WWOX: variants seen among roughly 807,000 people sequenced by gnomAD.
WWOX encodes the protein WW domain-containing oxidoreductase.
A neutral mutation model predicts 46.2 loss-of-function variants in WWOX; 69 were observed. That is an observed-to-expected ratio of 1.49 (90% CI 1.23 to 1.82). The LOEUF (loss-of-function observed/expected upper bound fraction) is 1.82. WWOX is among the 40% of genes most tolerant of loss of function. The pLI is 0.00. For missense variants in WWOX, 919 were observed against 542.6 expected, an observed-to-expected ratio of 1.69 and a Z score of -6.89; for synonymous variants, 359 against 202.6, an observed-to-expected ratio of 1.77 and a Z score of -6.56.
intron 8 of WWOX, among the ~76,000 whole-genome samples, chr16:79,103,325 A>G (rs1411608917): frequency 1.3e-5 from 2 of 152,242 alleles, no homozygotes; most frequent in Non-Finnish European, 2.9e-5. Flanking sequence ...CAGCACAGGT[A>G]TTAAAGTACC....
chr16:79,195,258 C>T (rs1398487334), intron 8 of WWOX, among the ~76,000 whole-genome samples: 2 of 151,990 alleles, frequency 1.3e-5, no homozygotes, highest in Non-Finnish European at 2.9e-5. Context: ...AGGATCCACA[C>T]CTGTAGGGGA....
intron 6 of WWOX, among the ~76,000 whole-genome samples, chr16:78,411,977 C>G (rs1216759943): frequency 6.6e-6 from 1 of 152,314 alleles, no homozygotes; most frequent in East Asian, 1.9e-4. Context: ...AATTGTATCA[C>G]CGAGTTGGTC....
chr16:78,949,654 C>T (rs2046018663), intron 8 of WWOX, among the ~76,000 whole-genome samples: 1 of 152,244 alleles, frequency 6.6e-6, no homozygotes, highest in Non-Finnish European at 1.5e-5. Flanking sequence ...CTCGTGTTAA[C>T]TCCATCTGGA....
At chr16:79,006,483 T>C (rs2047193310) in intron 8 of WWOX, among the ~76,000 whole-genome samples, 1 of 151,984 alleles carries the variant, frequency 6.6e-6, no homozygotes, top group Admixed American at 6.6e-5. Flanking sequence ...CTTGAATGCT[T>C]TTAGCCCCTG....
intron 8 of WWOX, among the ~76,000 whole-genome samples, chr16:78,764,578 C>G (rs185706233): frequency 7.2e-6 from 1 of 138,242 alleles, no homozygotes; most frequent in South Asian, 3.1e-4. Flanking sequence ...GTTACTCGCT[C>G]ACATGTGCCG....
intron 5 of WWOX, among the ~76,000 whole-genome samples, chr16:78,374,527 A>ATTTTTTTTTTTTTTTTTTTTTTT (rs541225697): frequency 4.2e-5 from 3 of 70,902 alleles, no homozygotes; most frequent in Non-Finnish European, 7.7e-5. Context: ...TCTGTCTTGA[A>ATTTTTTTTTTTTTTTTTTTTTTT]TTTTTTTTTT....
At chr16:78,516,582 G>C (rs1018757725) in intron 8 of WWOX, among the ~76,000 whole-genome samples, 1 of 152,072 alleles carries the variant, frequency 6.6e-6, no homozygotes. Context: ...TACTTGGCCT[G>C]TTTCTACAAT....
intron 8 of WWOX, among the ~76,000 whole-genome samples, chr16:79,003,232 A>T (rs538706975): frequency 6.6e-6 from 1 of 152,362 alleles, no homozygotes; most frequent in South Asian, 2.1e-4. Flanking sequence ...CTTGTAATTT[A>T]TGATTTAATG....
At chr16:78,575,026 T>A (rs866655340) in intron 8 of WWOX, among the ~76,000 whole-genome samples, 124 of 2,088 alleles carry the variant, frequency 0.059, no homozygotes, top group East Asian at 0.16. Context: ...TATATAAATA[T>A]ATATATATAT....
intron 8 of WWOX, among the ~76,000 whole-genome samples, chr16:78,662,014 A>G (rs1244724265): frequency 6.6e-6 from 1 of 152,218 alleles, no homozygotes; most frequent in African/African-American, 2.4e-5. Flanking sequence ...ACTGCACTCC[A>G]GCCTGGATGA....
intron 8 of WWOX, among the ~76,000 whole-genome samples, chr16:78,512,751 A>G (rs2085392625): frequency 6.6e-6 from 1 of 152,254 alleles, no homozygotes; most frequent in Admixed American, 6.5e-5. Context: ...TGATGCTAAA[A>G]TAAGCTTGAC....
In WWOX at chr16:79,061,708, T is replaced by C. The variant is rs1029628605; in HGVS notation, c.1057-149900T>C. Among the ~76,000 whole-genome samples, 5 of 152,320 alleles carry C rather than the reference T, an allele frequency of 3.3e-5. No homozygotes were observed. In the South Asian group the frequency reaches 6.2e-4, roughly 19 times the overall value. On this transcript the variant is annotated intron_variant, in intron 8 of 8. Transcript: ENST00000566780. ...AGCTGCACTGAAAACAAACTGGGCA[T>C]GTCCTAATTTTGCTCAGGGCTACTT...
At chr16:78,834,639 A>T (rs2051926931) in intron 8 of WWOX, among the ~76,000 whole-genome samples, 1 of 152,172 alleles carries the variant, frequency 6.6e-6, no homozygotes, top group Non-Finnish European at 1.5e-5. Flanking sequence ...GGTTCCAGGA[A>T]TTCTTGATCT....
chr16:78,159,165 T>TTGTGTG (rs1402100000), intron 4 of WWOX, among the ~76,000 whole-genome samples: 3 of 149,978 alleles, frequency 2.0e-5, no homozygotes, highest in Non-Finnish European at 4.5e-5. Context: ...GTGTGTGTGT[T>TTGTGTG]TGTGTGTGTG....
At chr16:78,775,139 T>C (rs2050157676) in intron 8 of WWOX, among the ~76,000 whole-genome samples, 1 of 152,216 alleles carries the variant, frequency 6.6e-6, no homozygotes. Flanking sequence ...TAGAAGTGTC[T>C]GGTTCCTGAA....
chr16:78,738,486 G>C (rs1191075820), intron 8 of WWOX, among the ~76,000 whole-genome samples: 1 of 152,062 alleles, frequency 6.6e-6, no homozygotes, highest in African/African-American at 2.4e-5. Context: ...GAAATAATGA[G>C]AATTCCACTC....
chr16:79,045,762 CTTTCCTTTTTTCT>C (rs2150519734), intron 8 of WWOX, among the ~76,000 whole-genome samples: 1 of 114,554 alleles, frequency 8.7e-6, no homozygotes, highest in South Asian at 2.9e-4. Context: ...TGGAGCTCGT[CTTTCCTTTTTTCT>C]TTTCCTTTTT....
chr16:78,296,917 T>C (rs1198059784), intron 5 of WWOX, among the ~76,000 whole-genome samples: 2 of 152,166 alleles, frequency 1.3e-5, no homozygotes, highest in African/African-American at 4.8e-5. Flanking sequence ...TTATTAAGAT[T>C]TGAGCAATTC....
chr16:78,774,577 C>A (rs1055549247), intron 8 of WWOX, among the ~76,000 whole-genome samples: 2 of 152,068 alleles, frequency 1.3e-5, no homozygotes, highest in South Asian at 2.1e-4. Context: ...CCTCCCCCCC[C>A]ACACATATGC....
Sources: allele counts gnomAD v4.1 joint callset (sites outside exome capture counted in the v4.1 genomes callset), GRCh38; gene constraint gnomAD v4.1.1; transcripts MANE v1.5; gene names NCBI Gene and HGNC (gene_info 2026-07-23, HGNC 2026-07-21).